Variants in SUCLG2 observed in about 807,000 individuals in gnomAD.
SUCLG2 encodes succinate--CoA ligase [GDP-forming] subunit beta, mitochondrial.
A neutral mutation model predicts 47.9 loss-of-function variants in SUCLG2; 42 were observed. The ratio of observed to expected loss-of-function variants is 0.88; its 90% CI spans 0.69 to 1.14. The LOEUF is 1.14. Ranked by LOEUF, SUCLG2 falls within the 50% of genes most tolerant of loss-of-function variation. The pLI, the probability that SUCLG2 is intolerant of heterozygous loss-of-function variation, is 0.00. For missense variants in SUCLG2, 571 were observed against 525.9 expected (o/e 1.09, Z -0.84); for synonymous variants, 195 against 197.3 (o/e 0.99, Z 0.10).
chr3:67,399,661 G>T (rs1249575605), intron 10 of SUCLG2, among the ~76,000 whole-genome samples: 4 of 152,112 alleles, frequency 2.6e-5, no homozygotes, highest in African/African-American at 9.7e-5. Flanking sequence ...ACCTTTGGAA[G>T]ATCTGCATAA....
intron 9 of SUCLG2, among the ~76,000 whole-genome samples, chr3:67,446,600 C>CT (rs58758029): frequency 0.091 from 12,804 of 139,948 alleles, 787 homozygotes; most frequent in East Asian, 0.24. Flanking sequence ...TGGCTAATTT[C>CT]TTTTTTTTTT....
intron 9 of SUCLG2, among the ~76,000 whole-genome samples, chr3:67,466,031 C>T (rs1034411333): frequency 1.3e-5 from 2 of 152,146 alleles, no homozygotes; most frequent in South Asian, 2.1e-4. Flanking sequence ...ACACACAGCC[C>T]TTACGTTGTA....
intron 1 of SUCLG2, 125 bp downstream of exon 1, chr3:67,654,378 C>G: frequency 1.3e-6 from 1 of 765,296 alleles, no homozygotes; most frequent in African/African-American, 1.8e-5. Flanking sequence ...GCGTCACCTC[C>G]CGAAGTGGGG....
intron 9 of SUCLG2, among the ~76,000 whole-genome samples, chr3:67,477,868 T>C (rs1704808301): frequency 6.6e-6 from 1 of 152,194 alleles, no homozygotes; most frequent in Non-Finnish European, 1.5e-5. Context: ...AGAAATTAAC[T>C]GATCTACAGT....
chr3:67,566,135 T>C (rs1302857238), intron 2 of SUCLG2, among the ~76,000 whole-genome samples: 1 of 152,236 alleles, frequency 6.6e-6, no homozygotes, highest in Non-Finnish European at 1.5e-5. Context: ...TACTCAAGCA[T>C]CAGGCAGCTG....
rs1703917615 is a variant in SUCLG2 at position 67,446,068 on chromosome 3, G to A, written c.1063-45217C>T. Among the ~76,000 whole-genome samples the A allele has an allele frequency of 3.2e-5, 2 of 61,874 alleles. 1 individual carries two copies. The highest frequency in any genetic ancestry group is 7.0e-5 in the Non-Finnish European group (2 of 28,478). 40.6% of individuals were successfully genotyped at this position (61,874 alleles called of 152,430 possible). ...AATAATGTCTCTTCTTCAAAGATGT[G>A]GGCATTGGTGACCCACTATTAGAGA... On this transcript the variant is annotated intron_variant, in intron 9 of 10. Transcript: ENST00000307227.
chr3:67,575,709 CTT>C (rs1707724913), intron 2 of SUCLG2, among the ~76,000 whole-genome samples: 1 of 152,088 alleles, frequency 6.6e-6, no homozygotes, highest in African/African-American at 2.4e-5. Flanking sequence ...TTAAGAATAA[CTT>C]ATTAAAAAAG....
In SUCLG2 at chr3:67,601,453, C is replaced by T. The variant is rs537025544; in HGVS notation, c.226+8002G>A. Among the ~76,000 whole-genome samples the T allele has an allele frequency of 7.2e-5, 11 of 152,250 alleles. No homozygotes were observed. The South Asian group carries it at 1.2e-3, about 17-fold the overall frequency. ...CTTTAAAAGGGGCAATCCACCCAGA[C>T]AGAGCGATCACAGCAGTGAGGTCCT... On this transcript the variant is annotated intron_variant, in intron 2 of 10. Coordinates refer to ENST00000307227, the MANE Select transcript of SUCLG2 (RefSeq NM_003848.4).
At chr3:67,531,460 T>C (rs1217829956) in intron 2 of SUCLG2, among the ~76,000 whole-genome samples, 2 of 152,216 alleles carry the variant, frequency 1.3e-5, no homozygotes, top group African/African-American at 2.4e-5. Flanking sequence ...TAGATCAGCT[T>C]TAGTCACTAA....
intron 9 of SUCLG2, among the ~76,000 whole-genome samples, chr3:67,414,648 G>A (rs943212646): frequency 6.6e-5 from 10 of 151,336 alleles, no homozygotes; most frequent in African/African-American, 2.0e-4. Flanking sequence ...CCAAAATTCT[G>A]GATTTTTAAA....
rs150767989 is a variant in SUCLG2 at position 67,378,314 on chromosome 3, T to G, written c.1184-2455A>C. Among the ~76,000 whole-genome samples the G allele has an allele frequency of 6.6e-3, 1,010 of 152,302 alleles. 7 individuals are homozygous for G. The highest frequency in any genetic ancestry group is 0.022 in the African/African-American group (909 of 41,562). ...ATGGCAAAAGTGATGGAGTGTCACT[T>G]CTGAGACTAGGTTACAAAAGCCTGT... On this transcript the variant is annotated intron_variant, in intron 10 of 10. Coordinates refer to ENST00000307227, the MANE Select transcript of SUCLG2 (RefSeq NM_003848.4).
intron 10 of SUCLG2, among the ~76,000 whole-genome samples, chr3:67,361,694 T>A (rs567877085): frequency 1.2e-4 from 18 of 152,240 alleles, no homozygotes; most frequent in Non-Finnish European, 8.8e-5. Flanking sequence ...CATCCTTTCC[T>A]GTATCCTTGC....
At chr3:67,541,376 G>A (rs1706704440) in intron 2 of SUCLG2, among the ~76,000 whole-genome samples, 1 of 152,090 alleles carries the variant, frequency 6.6e-6, no homozygotes, top group East Asian at 1.9e-4. Context: ...ACCTAATGGA[G>A]CTGAAGGATA....
intron 9 of SUCLG2, among the ~76,000 whole-genome samples, chr3:67,415,285 A>G (rs1441590486): frequency 6.6e-6 from 1 of 152,228 alleles, no homozygotes; most frequent in African/African-American, 2.4e-5. Context: ...AGAAGGACAC[A>G]AGGATTTCTC....
intron 2 of SUCLG2, among the ~76,000 whole-genome samples, chr3:67,590,508 C>G (rs1415646557): frequency 6.6e-6 from 1 of 152,118 alleles, no homozygotes; most frequent in African/African-American, 2.4e-5. Flanking sequence ...TGAGTTCTCA[C>G]TCTGAGTTCA....
At chr3:67,489,991 C>G (rs1705165472) in intron 9 of SUCLG2, among the ~76,000 whole-genome samples, 2 of 152,298 alleles carry the variant, frequency 1.3e-5, no homozygotes, top group South Asian at 4.1e-4. Flanking sequence ...AATAAGGCAA[C>G]AGTATAACTG....
At chr3:67,558,464 C>T (rs1707221363) in intron 2 of SUCLG2, among the ~76,000 whole-genome samples, 1 of 152,128 alleles carries the variant, frequency 6.6e-6, no homozygotes, top group African/African-American at 2.4e-5. Context: ...CTTGCTTGGC[C>T]GTGGTGGACT....
chr3:67,404,249 A>T (rs949174827), intron 9 of SUCLG2, among the ~76,000 whole-genome samples: 3 of 152,042 alleles, frequency 2.0e-5, no homozygotes, highest in Admixed American at 6.6e-5. Context: ...GCCGAAGAGA[A>T]GTTATAGGAG....
At chr3:67,453,897 G>C (rs1704117644) in intron 9 of SUCLG2, among the ~76,000 whole-genome samples, 1 of 152,156 alleles carries the variant, frequency 6.6e-6, no homozygotes, top group African/African-American at 2.4e-5. Context: ...GATATAACCA[G>C]AATGCCACGA....
Sources: allele counts gnomAD v4.1 joint callset (sites outside exome capture counted in the v4.1 genomes callset), GRCh38; gene constraint gnomAD v4.1.1; transcripts MANE v1.5; gene names NCBI Gene and HGNC (gene_info 2026-07-23, HGNC 2026-07-21).